The following FBXL7 variants were observed in gnomAD, a reference collection of about 807,000 sequenced individuals.
FBXL7 encodes the protein F-box and leucine rich repeat protein 7.
A neutral mutation model predicts 38.3 loss-of-function variants in FBXL7; 12 were observed. The ratio of observed to expected loss-of-function variants is 0.31; its 90% confidence interval spans 0.20 to 0.51. FBXL7 has a LOEUF of 0.51. Ranked by LOEUF, FBXL7 falls within the 20% of genes least tolerant of loss-of-function variation. The pLI, the probability that FBXL7 is intolerant of heterozygous loss-of-function variation, is 0.98. For missense variants in FBXL7, 567 were observed against 676.4 expected (o/e 0.84, Z 1.79); for synonymous variants, 297 against 300.9 (o/e 0.99, Z 0.13).
At chr5:15,757,704 TGAAAATGACTA>T (rs1371466932) in intron 2 of FBXL7, among the ~76,000 whole-genome samples, 1 of 152,148 alleles carries the variant, frequency 6.6e-6, no homozygotes, top group African/African-American at 2.4e-5. Context: ...ATTTGTAAAC[TGAAAATGACTA>T]GAATTTCCAT....
At chr5:15,900,394 A>G (rs1350938903) in intron 2 of FBXL7, among the ~76,000 whole-genome samples, 3 of 152,182 alleles carry the variant, frequency 2.0e-5, no homozygotes, top group Admixed American at 6.5e-5. Context: ...AGAAAAACCT[A>G]CTTTTCTTGG....
At chr5:15,501,305 A>T (rs1024293361) in intron 1 of FBXL7, 1 of 512,776 alleles carries the variant, frequency 2.0e-6, no homozygotes, top group African/African-American at 2.1e-5. Context: ...TGGGGCTGGA[A>T]ATTGCACAGA....
intron 1 of FBXL7, among the ~76,000 whole-genome samples, chr5:15,563,927 T>C (rs1738487720): frequency 6.6e-6 from 1 of 152,058 alleles, no homozygotes; most frequent in Non-Finnish European, 1.5e-5. Flanking sequence ...GGTGCTTATA[T>C]CCAGTCACTT....
chr5:15,928,042 A>ACCCCCCCCCCC lies in FBXL7; in HGVS notation c.283_284insCCCCCCCCCCC (p.Arg95ProfsTer24). ...GGCCATGGTGCACTCCCCGCCCCCG[A>ACCCCCCCCCCC]CCCGCCTCACACACCCGCTCATCCG... On this transcript the variant is annotated frameshift_variant, in exon 3 of 4. Coordinates refer to ENST00000504595, the MANE Select transcript of FBXL7 (RefSeq NM_012304.5). LOFTEE classifies it high-confidence loss of function. The surrounding 1 kb of genome is among the most constrained non-coding windows in gnomAD (Gnocchi z 4.0). 5.2e-6 allele frequency: 2 copies of ACCCCCCCCCCC among 386,346 alleles called. No individual in the cohort carries two copies. The highest frequency in any genetic ancestry group is 5.2e-6 in the Non-Finnish European group (1 of 194,144). The allele number at this position is 386,346 out of a possible 1,614,324, so 23.9% of individuals were successfully genotyped here.
intron 1 of FBXL7, among the ~76,000 whole-genome samples, chr5:15,589,598 A>G (rs915334034): frequency 6.6e-6 from 1 of 152,170 alleles, no homozygotes; most frequent in African/African-American, 2.4e-5. Context: ...GCGAGAAGGG[A>G]CTAATACAGT....
intron 2 of FBXL7, among the ~76,000 whole-genome samples, chr5:15,654,418 G>GAAAA (rs200453697): frequency 1.0e-4 from 13 of 126,414 alleles, no homozygotes; most frequent in African/African-American, 2.9e-4. Context: ...ATAAAAAACT[G>GAAAA]AAAAAAAAAA....
chr5:15,801,671 G>T (rs1325043087), intron 2 of FBXL7, among the ~76,000 whole-genome samples: 6 of 151,458 alleles, frequency 4.0e-5, no homozygotes, highest in African/African-American at 1.2e-4. Flanking sequence ...GCGCGCGTGT[G>T]TGTGTGTTTG....
chr5:15,582,083 A>T (rs1360543015), intron 1 of FBXL7, among the ~76,000 whole-genome samples: 1 of 152,088 alleles, frequency 6.6e-6, no homozygotes, highest in Non-Finnish European at 1.5e-5. Flanking sequence ...GATTACAGGC[A>T]TGTGCCACCA....
intron 1 of FBXL7, among the ~76,000 whole-genome samples, chr5:15,579,873 T>A (rs1242408552): frequency 6.6e-6 from 1 of 152,160 alleles, no homozygotes; most frequent in Non-Finnish European, 1.5e-5. Context: ...AATTACTGTC[T>A]CAGGGCAGCC....
chr5:15,876,347 A>G lies in FBXL7; in HGVS notation c.128-51543A>G, dbSNP rs548401334. 2.0e-5 allele frequency among the ~76,000 whole-genome samples: 3 copies of G among 152,254 alleles called. No homozygotes were observed. In the South Asian group the frequency reaches 6.2e-4, roughly 32 times the overall value. ...AAACCACCATGGCACATGTATATCT[A>G]TGTAAGAAACCTGAACGTTCTACAC... On this transcript the variant is annotated intron_variant, in intron 2 of 3. Transcript: ENST00000504595.
chr5:15,836,940 A>G (rs1289978473), intron 2 of FBXL7, among the ~76,000 whole-genome samples: 1 of 152,226 alleles, frequency 6.6e-6, no homozygotes, highest in East Asian at 1.9e-4. Flanking sequence ...AGCTGTTGGC[A>G]TCTTCTGCTA....
intron 2 of FBXL7, among the ~76,000 whole-genome samples, chr5:15,883,451 C>T (rs1015205006): frequency 6.6e-6 from 1 of 152,170 alleles, no homozygotes; most frequent in Non-Finnish European, 1.5e-5. Flanking sequence ...AGATTTCCCA[C>T]ATGTTGGTTT....
intron 2 of FBXL7, among the ~76,000 whole-genome samples, chr5:15,736,626 T>A (rs1412982968): frequency 2.0e-5 from 3 of 152,226 alleles, no homozygotes; most frequent in African/African-American, 4.8e-5. Flanking sequence ...TGTCCCTTTT[T>A]CTCCATTTGG....
chr5:15,601,931 A>C (rs903038759), intron 1 of FBXL7, among the ~76,000 whole-genome samples: 1 of 152,114 alleles, frequency 6.6e-6, no homozygotes, highest in Non-Finnish European at 1.5e-5. Context: ...TAAGATAGAG[A>C]CATACTGAGT....
intron 2 of FBXL7, among the ~76,000 whole-genome samples, chr5:15,881,209 A>T (rs1740438826): frequency 6.6e-6 from 1 of 152,114 alleles, no homozygotes; most frequent in South Asian, 2.1e-4. Context: ...TCCAAAGTTC[A>T]TTGTATCATT....
intron 2 of FBXL7, among the ~76,000 whole-genome samples, chr5:15,773,491 T>A (rs1561121331): frequency 6.6e-6 from 1 of 151,936 alleles, no homozygotes; most frequent in Non-Finnish European, 1.5e-5. Flanking sequence ...TAAATTTTTT[T>A]TTTTAAGTAT....
chr5:15,799,419 T>C (rs900602594), intron 2 of FBXL7, among the ~76,000 whole-genome samples: 13 of 132,430 alleles, frequency 9.8e-5, no homozygotes, highest in African/African-American at 3.7e-4. Flanking sequence ...TTGAGTACAG[T>C]GGTGCGATGT....
intron 2 of FBXL7, among the ~76,000 whole-genome samples, chr5:15,700,307 C>T (rs1743480362): frequency 6.6e-6 from 1 of 152,168 alleles, no homozygotes; most frequent in African/African-American, 2.4e-5. Flanking sequence ...TGATAGAATA[C>T]AGATAAAATA....
In FBXL7 at chr5:15,511,915, G is replaced by A. The variant is rs527953610; in HGVS notation, c.37+11202G>A. ...AAGTGGTAAATTATTATGAGAATGC[G>A]GAGTGAATTACTATAAGACAAAAGA... On this transcript the variant is annotated intron_variant, in intron 1 of 3. Transcript: ENST00000504595. Among the ~76,000 whole-genome samples, 12 of 152,218 alleles carry A rather than the reference G, an allele frequency of 7.9e-5. 1 individual carries two copies. In the East Asian group the frequency reaches 1.7e-3, roughly 22 times the overall value.
Sources: gnomAD v4.1 joint callset for allele counts (sites outside exome capture counted in the v4.1 genomes callset) on GRCh38, gnomAD v4.1.1 for gene constraint, Gnocchi (gnomAD v3.1) non-coding constraint, MANE v1.5 for transcripts, NCBI Gene and HGNC (gene_info 2026-07-23, HGNC 2026-07-21) for gene names.